RIMS2: variants seen among roughly 807,000 people sequenced by gnomAD.
The protein encoded by RIMS2 is regulating synaptic membrane exocytosis protein 2.
A neutral mutation model predicts 174.4 loss-of-function variants in RIMS2; 59 were observed. That is an observed-to-expected ratio of 0.34 (90% CI 0.27 to 0.42). The LOEUF is 0.42. Ranked by LOEUF, RIMS2 falls within the 10% of genes least tolerant of loss-of-function variation. The probability of loss-of-function intolerance (pLI) is 1.00; values close to 1 mark genes in which losing one functional copy is unlikely to be tolerated. For missense variants in RIMS2, 1,620 were observed against 1,666.3 expected, an observed-to-expected ratio of 0.97 and a Z score of 0.48; for synonymous variants, 606 against 572.5, an observed-to-expected ratio of 1.06 and a Z score of -0.84.
At position 103,910,496 on chromosome 8, in the gene RIMS2, A is replaced by G. The variant is rs1422507305; in HGVS notation, c.1692+295A>G. The G allele has an allele frequency of 1.9e-6, 3 of 1,597,110 alleles. No individual in the cohort carries two copies. In the Admixed American group the frequency reaches 5.0e-5, roughly 27 times the overall value. ...CTGGGGTAGATACGTGTAGTAGCAC[A>G]ACCCTTAACGAGGAGCATAGCCATA... On this transcript the variant is annotated intron_variant, in intron 5 of 23. Coordinates refer to ENST00000504942, the Ensembl canonical transcript of RIMS2.
At chr8:103,701,393 G>A (rs181212764) in intron 2 of RIMS2, among the ~76,000 whole-genome samples, 5 of 152,188 alleles carry the variant, frequency 3.3e-5, no homozygotes, top group Admixed American at 2.0e-4. Context: ...TGGGATATCC[G>A]TCACAGTAAA....
intron 19 of RIMS2, among the ~76,000 whole-genome samples, chr8:104,108,713 A>G (rs2098123211): frequency 6.6e-6 from 1 of 152,182 alleles, no homozygotes; most frequent in South Asian, 2.1e-4. Context: ...TTGTAGAATT[A>G]GTCTTCTGGG....
rs150108573 is a variant in RIMS2 at position 103,895,569 on chromosome 8, C to T, written c.1624+9346C>T. Among the ~76,000 whole-genome samples, 509 of 151,638 alleles carry T rather than the reference C, an allele frequency of 3.4e-3. 15 individuals carry two copies. The highest frequency in any genetic ancestry group is 0.012 in the African/African-American group (484 of 41,064). On this transcript the variant is annotated intron_variant, in intron 4 of 23. Transcript: ENST00000504942. ...ACTATTGTATTGGGGATTAAGGCTT[C>T]AACACATGAATTTGGCAGGAGGGGC... is the stretch of plus-strand genomic sequence containing the variant.
At chr8:103,840,794 C>T (rs1394902586) in intron 3 of RIMS2, among the ~76,000 whole-genome samples, 3 of 152,074 alleles carry the variant, frequency 2.0e-5, no homozygotes, top group Non-Finnish European at 2.9e-5. Flanking sequence ...GGTTCAAGAG[C>T]AAAACCTTAA....
At position 103,604,478 on chromosome 8, in the gene RIMS2, G is replaced by A. The variant is rs1394507539; in HGVS notation, c.177-92608G>A. 1.9e-4 allele frequency among the ~76,000 whole-genome samples: 29 copies of A among 152,184 alleles called. 1 individual carries two copies. Among genetic ancestry groups the A allele is most frequent in the African/African-American group, 7.0e-4 (29 of 41,512 alleles). On this transcript the variant is annotated intron_variant, in intron 1 of 23. Coordinates refer to ENST00000504942, the Ensembl canonical transcript of RIMS2. ...TTTGGCTTAGGATTGACTTGGCAAC[G>A]CGGGCTCTTTTTTGGTTCCATATGA... is the stretch of plus-strand genomic sequence containing the variant.
In RIMS2 at chr8:104,248,883, A is replaced by G. The variant is rs537315327; in HGVS notation, c.3589+70A>G. On this transcript the variant is annotated intron_variant, in intron 21 of 23. Transcript: ENST00000504942. ...TTGAAAATGAAATTCTCTAAATTTC[A>G]TAGAATCTTCTCTCTCTCTCTCTCT... 3.6e-5 allele frequency: 25 copies of G among 701,044 alleles called. 1 individual carries two copies. Among genetic ancestry groups the G allele is most frequent in the South Asian group, 2.9e-4 (18 of 61,402 alleles). 43.4% of individuals were successfully genotyped at this position (701,044 alleles called of 1,614,324 possible).
chr8:104,182,885 T>C (rs1032890732), intron 19 of RIMS2, among the ~76,000 whole-genome samples: 1 of 151,754 alleles, frequency 6.6e-6, no homozygotes, highest in Non-Finnish European at 1.5e-5. Flanking sequence ...TGTGAAAGTA[T>C]TTGTGCACTG....
At chr8:103,891,650 G>A (rs926978492) in intron 4 of RIMS2, among the ~76,000 whole-genome samples, 1 of 151,864 alleles carries the variant, frequency 6.6e-6, no homozygotes, top group Non-Finnish European at 1.5e-5. Context: ...TTTTGTTTCT[G>A]TATAAAATTT....
intron 15 of RIMS2, among the ~76,000 whole-genome samples, chr8:103,966,975 A>G (rs1033371810): frequency 6.6e-6 from 1 of 151,950 alleles, no homozygotes; most frequent in Non-Finnish European, 1.5e-5. Context: ...ATGTTTTAAA[A>G]AATTTGCTAA....
chr8:103,796,282 A>G (rs1301637603), intron 3 of RIMS2, among the ~76,000 whole-genome samples: 1 of 152,196 alleles, frequency 6.6e-6, no homozygotes, highest in Non-Finnish European at 1.5e-5. Flanking sequence ...TTAACTTTAT[A>G]AGAGAAATGA....
chr8:103,636,801 CA>C (rs1554704900), intron 1 of RIMS2, among the ~76,000 whole-genome samples: 685 of 18,966 alleles, frequency 0.036, 19 homozygotes, highest in Admixed American at 0.088. Context: ...CCCCCCCCCC[CA>C]CACACACACA....
chr8:103,505,408 G>A (rs1160692695), intron 1 of RIMS2, among the ~76,000 whole-genome samples: 1 of 152,074 alleles, frequency 6.6e-6, no homozygotes, highest in South Asian at 2.1e-4. Context: ...CTGTATAGCT[G>A]CCTCGTTAAC....
At chr8:104,078,163 CAAA>C (rs36009469) in intron 19 of RIMS2, among the ~76,000 whole-genome samples, 4 of 134,240 alleles carry the variant, frequency 3.0e-5, no homozygotes, top group Non-Finnish European at 5.0e-5. Context: ...AAAAACAAAC[CAAA>C]AAAAAAAAAC....
At chr8:103,687,712 C>G (rs2096959818) in intron 1 of RIMS2, among the ~76,000 whole-genome samples, 1 of 152,090 alleles carries the variant, frequency 6.6e-6, no homozygotes, top group Non-Finnish European at 1.5e-5. Context: ...CCCTCTACCT[C>G]TATGAGTTGA....
At chr8:103,502,651 A>C (rs1820877213) in intron 1 of RIMS2, among the ~76,000 whole-genome samples, 1 of 151,988 alleles carries the variant, frequency 6.6e-6, no homozygotes, top group Non-Finnish European at 1.5e-5. Context: ...TTTTTTGTAT[A>C]CTAACAATGC....
chr8:103,619,832 C>A (rs907487494), intron 1 of RIMS2, among the ~76,000 whole-genome samples: 3 of 152,082 alleles, frequency 2.0e-5, no homozygotes, highest in African/African-American at 7.2e-5. Flanking sequence ...ATAACAGTTC[C>A]TAGAAAAGGC....
intron 3 of RIMS2, among the ~76,000 whole-genome samples, chr8:103,811,126 T>C (rs1292805088): frequency 6.6e-6 from 1 of 152,300 alleles, no homozygotes; most frequent in East Asian, 1.9e-4. Flanking sequence ...TGTTGGTGAA[T>C]GTAACTATTG....
intron 2 of RIMS2, among the ~76,000 whole-genome samples, chr8:103,748,935 G>A (rs1054792984): frequency 6.6e-6 from 1 of 151,810 alleles, no homozygotes; most frequent in East Asian, 1.9e-4. Flanking sequence ...TGAGTAGCTA[G>A]GATTACAGGC....
chr8:104,166,977 G>T (rs2098802092), intron 19 of RIMS2, among the ~76,000 whole-genome samples: 1 of 152,156 alleles, frequency 6.6e-6, no homozygotes, highest in Non-Finnish European at 1.5e-5. Context: ...TTATGGCTGA[G>T]CAGTATTCCA....
Sources: gnomAD v4.1 joint callset for allele counts (sites outside exome capture counted in the v4.1 genomes callset) on GRCh38, gnomAD v4.1.1 for gene constraint, MANE v1.5 for transcripts, NCBI Gene and HGNC (gene_info 2026-07-23, HGNC 2026-07-21) for gene names.